ZNF823: variants seen among roughly 807,000 people sequenced by gnomAD.
ZNF823 encodes the protein ZFP 36 for a zinc finger protein.
In ZNF823, 5 loss-of-function variants were observed where a neutral mutation model predicts 11.4. That is an observed-to-expected ratio of 0.44 (90% CI 0.23 to 0.92). The LOEUF is 0.92. Ranked by LOEUF, ZNF823 falls within the 40% of genes least tolerant of loss-of-function variation. The pLI is 0.24. For synonymous variants in ZNF823, 234 were observed against 250.5 expected, an observed-to-expected ratio of 0.93 and a Z score of 0.62; for missense variants, 582 against 738.5, an observed-to-expected ratio of 0.79 and a Z score of 2.46.
chr19:11,732,258 G>A (rs1420257801), intron 1 of ZNF823, among the ~76,000 whole-genome samples: 2 of 147,008 alleles, frequency 1.4e-5, no homozygotes, highest in South Asian at 2.2e-4. Flanking sequence ...TCCGCCTCCC[G>A]GGCTCACGCC....
intron 1 of ZNF823, among the ~76,000 whole-genome samples, chr19:11,735,491 C>T (rs1164245239): frequency 6.6e-6 from 1 of 152,270 alleles, no homozygotes; most frequent in East Asian, 1.9e-4. Context: ...CCACATGTCT[C>T]TGCCTGTGGA....
intron 1 of ZNF823, among the ~76,000 whole-genome samples, chr19:11,732,169 CT>C (rs1170787951): frequency 8.7e-4 from 118 of 135,512 alleles, no homozygotes; most frequent in East Asian, 2.2e-3. Context: ...AAAGGTTTCC[CT>C]TTTTTTTTTT....
intron 1 of ZNF823, among the ~76,000 whole-genome samples, chr19:11,736,880 A>AT (rs1304830164): frequency 6.6e-6 from 1 of 152,172 alleles, no homozygotes; most frequent in East Asian, 1.9e-4. Flanking sequence ...CTCATCAGCC[A>AT]TGTGTCCCCA....
intron 3 of ZNF823, among the ~76,000 whole-genome samples, chr19:11,723,791 C>T (rs761055460): frequency 5.9e-5 from 9 of 152,184 alleles, no homozygotes; most frequent in South Asian, 4.1e-4. Context: ...GTGATCCACC[C>T]GCCTTGGCCT....
At chr19:11,724,315 G>A in intron 2 of ZNF823, 61 bp from the exon 3 acceptor site, 1 of 1,453,804 alleles carries the variant, frequency 6.9e-7, no homozygotes, top group Non-Finnish European at 9.4e-7. Flanking sequence ...AAAACTCTAA[G>A]ATTTTACGCG....
chr19:11,737,304 C>A, intron 1 of ZNF823, among the ~76,000 whole-genome samples: 1 of 152,054 alleles, frequency 6.6e-6, no homozygotes, highest in East Asian at 1.9e-4. Flanking sequence ...ACTCTTGTTG[C>A]CCAGGCTGGA....
Position 11,723,251 on chromosome 19 carries a change from C to T in ZNF823, c.283G>A (p.Val95Ile). ...CACTCACCACTGTCACATGGATTTA[C>T]TCGAGGAGTGTTCTTGTTCACAATA... ...DSIVNKNTPR[V>I]NPCDSGECGE... The change falls in exon 4 of 4, where the codon GTA becomes ATA. Residue 95 changes from valine to isoleucine, a missense_variant. Coordinates refer to ENST00000341191, the MANE Select transcript of ZNF823 (RefSeq NM_001080493.4). 2 of 1,614,076 alleles carry T rather than the reference C, an allele frequency of 1.2e-6. No homozygotes were observed. Among genetic ancestry groups the T allele is most frequent in the Non-Finnish European group, 1.7e-6 (2 of 1,179,924 alleles).
chr19:11,723,231 A>C lies in ZNF823; in HGVS notation c.303T>G (p.Gly101=). 1 of 1,614,090 alleles carries C rather than the reference A, an allele frequency of 6.2e-7. No homozygotes were observed. Among genetic ancestry groups the C allele is most frequent in the Non-Finnish European group, 8.5e-7 (1 of 1,179,978 alleles). ...GACCCAAGACGACTTCTCCACACTC[A>C]CCACTGTCACATGGATTTACTCGAG... ...NTPRVNPCDS[G]ECGEVVLGHS... Residue 101 remains glycine (G), a synonymous_variant, in exon 4 of 4, where the codon GGT becomes GGG. Transcript: ENST00000341191.
intron 1 of ZNF823, among the ~76,000 whole-genome samples, chr19:11,732,169 C>CTTTT (rs1170787951): frequency 1.5e-5 from 2 of 135,578 alleles, no homozygotes; most frequent in African/African-American, 5.4e-5. Context: ...AAAGGTTTCC[C>CTTTT]TTTTTTTTTT....
chr19:11,727,401 T>A (rs922500372), intron 1 of ZNF823, among the ~76,000 whole-genome samples: 1 of 151,978 alleles, frequency 6.6e-6, no homozygotes, highest in Admixed American at 6.6e-5. Flanking sequence ...TCCCAGCTAC[T>A]CAGGAGGCTG....
In ZNF823 at chr19:11,721,730, T is replaced by C. The variant is rs1396905406; in HGVS notation, c.1804A>G (p.Lys602Glu). Residue 602 changes from lysine (K) to glutamate (E), a missense_variant, in exon 4 of 4, where the codon AAA (lysine) becomes GAA (glutamate). Lys to Glu is a moderately conservative substitution (Grantham distance 56). Transcript: ENST00000341191. ...LSSLRSLHRH[K>E]RTHWKDTL ...AGAGTATCTTTCCAGTGAGTCCTTT[T>C]ATGTCTATGCAAGGAACGGAGAGAA... 6.2e-7 allele frequency: 1 copy of C among 1,613,074 alleles called. No homozygotes were observed. Among genetic ancestry groups the C allele is most frequent in the African/African-American group, 1.3e-5 (1 of 74,902 alleles).
chr19:11,731,452 G>A (rs781226779), intron 1 of ZNF823, among the ~76,000 whole-genome samples: 6 of 152,062 alleles, frequency 3.9e-5, no homozygotes, highest in Admixed American at 2.0e-4. Context: ...ACAGTCAGTC[G>A]GTTTAAGGCT....
At chr19:11,734,461 A>G (rs750852080) in intron 1 of ZNF823, among the ~76,000 whole-genome samples, 3 of 152,176 alleles carry the variant, frequency 2.0e-5, no homozygotes, top group Non-Finnish European at 2.9e-5. Context: ...ACCAGGCTGC[A>G]CAAAATTAAT....
chr19:11,727,048 G>A (rs924683297), intron 1 of ZNF823, among the ~76,000 whole-genome samples: 2 of 152,170 alleles, frequency 1.3e-5, no homozygotes, highest in Non-Finnish European at 2.9e-5. Flanking sequence ...ATTGGATAAT[G>A]ACAAAGGAGG....
chr19:11,725,107 T>C (rs1218346406), intron 2 of ZNF823, 94 bp downstream of exon 2: 1 of 1,497,958 alleles, frequency 6.7e-7, no homozygotes, highest in Non-Finnish European at 9.1e-7. Flanking sequence ...GGGTCAACCA[T>C]ATCCTCTTTC....
At position 11,722,598 on chromosome 19, in the gene ZNF823, C is replaced by A. The variant is rs757425604; in HGVS notation, c.936G>T (p.Thr312=). Residue 312 remains threonine, a synonymous_variant, in exon 4 of 4, where the codon ACG becomes ACT. Coordinates refer to ENST00000341191, the MANE Select transcript of ZNF823 (RefSeq NM_001080493.4). The surrounding 1 kb of genome is among the most constrained non-coding windows in gnomAD (Gnocchi z 5.2). ...QPYACKQCGK[T]FYHHTSFRRH... ...TTCGAAAGCTTGTGTGATGATAAAA[C>A]GTTTTCCCACATTGCTTACATGCAT... 6.2e-7 allele frequency: 1 copy of A among 1,613,896 alleles called. No individual in the cohort carries two copies. Among genetic ancestry groups the A allele is most frequent in the Non-Finnish European group, 8.5e-7 (1 of 1,179,976 alleles).
rs1568465463 is a variant in ZNF823 at position 11,722,529 on chromosome 19, C to T, written c.1005G>A (p.Lys335=). 1 of 1,614,164 alleles carries T rather than the reference C, an allele frequency of 6.2e-7. No individual in the cohort carries two copies. The highest frequency in any genetic ancestry group is 8.5e-7 in the Non-Finnish European group (1 of 1,180,020). Residue 335 remains lysine, a synonymous_variant, in exon 4 of 4, where the codon AAG becomes AAA. Transcript: ENST00000341191. This position sits in a 1 kb window ranked among gnomAD's most constrained non-coding sequence, Gnocchi z 5.2. ...RHTGDGPHKC[K]ICGKGFDCPS... ...GACAATCAAAGCCTTTCCCACATATCTTACATTTATGTGGTCCGTCTCCAG... is the reference window on the plus strand; with the variant it reads ...GACAATCAAAGCCTTTCCCACATATTTTACATTTATGTGGTCCGTCTCCAG...
chr19:11,721,553 G>A lies in ZNF823; in HGVS notation c.*148C>T. On this transcript the variant is annotated 3_prime_UTR_variant, in exon 4 of 4. Coordinates refer to ENST00000341191, the MANE Select transcript of ZNF823 (RefSeq NM_001080493.4). ...TAGAGGGTGCTGGAACCAATCCCCT[G>A]CAATATATTGGGGGATAACTGTATT... The A allele has an allele frequency of 1.3e-6, 1 of 762,674 alleles. No homozygotes were observed. Among genetic ancestry groups the A allele is most frequent in the Non-Finnish European group, 2.1e-6 (1 of 486,052 alleles). 47.2% of individuals were successfully genotyped at this position (762,674 alleles called of 1,614,324 possible). A position where few individuals can be genotyped will look rare whatever the true frequency, so the allele number is the denominator to read the frequency against.
intron 2 of ZNF823, among the ~76,000 whole-genome samples, chr19:11,724,478 C>T (rs1974753547): frequency 6.6e-6 from 1 of 151,952 alleles, no homozygotes. Flanking sequence ...TCAGCCCACT[C>T]AGTGTGAAGA....
Sources: allele counts gnomAD v4.1 joint callset (sites outside exome capture counted in the v4.1 genomes callset), GRCh38; gene constraint gnomAD v4.1.1; non-coding constraint Gnocchi (gnomAD v3.1); transcripts MANE v1.5; gene names NCBI Gene and HGNC (gene_info 2026-07-23, HGNC 2026-07-21).